Variants in COMMD10 observed in about 807,000 individuals in gnomAD.
COMMD10 encodes COMM domain-containing protein 10.
In COMMD10, 33 loss-of-function variants were observed where a neutral mutation model predicts 28.9. The ratio of observed to expected loss-of-function variants is 1.14; its 90% CI spans 0.87 to 1.53. The LOEUF is 1.53. Among genes scored for constraint, COMMD10 ranks in the 40% most tolerant of loss-of-function variants. The pLI, the probability that COMMD10 is intolerant of heterozygous loss-of-function variation, is 0.00. For synonymous variants in COMMD10, 110 were observed against 81.7 expected (o/e 1.35, Z -1.87); for missense variants, 310 against 233.4 (o/e 1.33, Z -2.14).
At chr5:116,110,262 A>T (rs2112735513) in intron 4 of COMMD10, among the ~76,000 whole-genome samples, 1 of 152,160 alleles carries the variant, frequency 6.6e-6, no homozygotes, top group East Asian at 1.9e-4. Flanking sequence ...ATGCTGTTGG[A>T]TTCTGTTTCC....
chr5:116,191,682 C>G (rs1043442098), intron 5 of COMMD10, among the ~76,000 whole-genome samples: 9 of 151,834 alleles, frequency 5.9e-5, no homozygotes, highest in African/African-American at 1.5e-4. Flanking sequence ...AGCCCTGCCC[C>G]CACTTGATGG....
intron 4 of COMMD10, among the ~76,000 whole-genome samples, chr5:116,132,969 C>T (rs1032472903): frequency 2.6e-5 from 4 of 152,118 alleles, no homozygotes; most frequent in Admixed American, 1.3e-4. Context: ...CTCATCACAT[C>T]CTCTCTCAAA....
chr5:116,135,299 T>G (rs1580477069), intron 5 of COMMD10, among the ~76,000 whole-genome samples: 1 of 152,226 alleles, frequency 6.6e-6, no homozygotes, highest in Non-Finnish European at 1.5e-5. Flanking sequence ...TATTACTTTT[T>G]TGTTAAAACT....
chr5:116,221,140 C>A (rs541236712), intron 5 of COMMD10, among the ~76,000 whole-genome samples: 1 of 148,412 alleles, frequency 6.7e-6, no homozygotes, highest in African/African-American at 2.5e-5. Context: ...GATACACTTT[C>A]AGGTCCTGCA....
At chr5:116,263,797 G>T (rs1437759976) in intron 5 of COMMD10, among the ~76,000 whole-genome samples, 1 of 151,652 alleles carries the variant, frequency 6.6e-6, no homozygotes, top group Non-Finnish European at 1.5e-5. Flanking sequence ...AACCAAACCA[G>T]TGTATTTCTT....
intron 5 of COMMD10, among the ~76,000 whole-genome samples, chr5:116,171,683 A>G (rs1313825293): frequency 6.6e-6 from 1 of 152,156 alleles, no homozygotes; most frequent in African/African-American, 2.4e-5. Context: ...TTGCAGCATC[A>G]TGGATGAAGC....
rs146527974 is a variant in COMMD10, at chr5:116,193,286, G to C, written c.510+59108G>C. The stretch of plus-strand genomic sequence containing the variant: ...AAAAACAAAGTACGCAGGCAACAAA[G>C]AGCCGGATGAATGCAGTGGTACCTC... On this transcript the variant is annotated intron_variant, in intron 5 of 6. Coordinates refer to ENST00000274458, the MANE Select transcript of COMMD10 (RefSeq NM_016144.4). 2.6e-5 allele frequency among the ~76,000 whole-genome samples: 4 copies of C among 152,238 alleles called. No homozygotes were observed. In the East Asian group the frequency reaches 7.7e-4, roughly 29 times the overall value.
chr5:116,181,886 A>G (rs186790270), intron 5 of COMMD10, among the ~76,000 whole-genome samples: 48 of 152,188 alleles, frequency 3.2e-4, no homozygotes, highest in Non-Finnish European at 1.3e-4. Flanking sequence ...CTAAACATCT[A>G]ATATGTGCCA....
At chr5:116,141,858 T>C (rs1001888811) in intron 5 of COMMD10, among the ~76,000 whole-genome samples, 3 of 151,928 alleles carry the variant, frequency 2.0e-5, no homozygotes, top group Admixed American at 1.3e-4. Flanking sequence ...ATTTAACTTT[T>C]TTGTGGCGTT....
chr5:116,250,401 T>G (rs1030939813), intron 5 of COMMD10, among the ~76,000 whole-genome samples: 1 of 151,452 alleles, frequency 6.6e-6, no homozygotes, highest in Non-Finnish European at 1.5e-5. Flanking sequence ...TTAGAAAGGG[T>G]AGCTGTTCTA....
chr5:116,137,877 A>T (rs1435721644), intron 5 of COMMD10, among the ~76,000 whole-genome samples: 1 of 151,744 alleles, frequency 6.6e-6, no homozygotes, highest in African/African-American at 2.4e-5. Flanking sequence ...TTTTTGGTTA[A>T]TTGTCTTAGT....
chr5:116,172,866 TGTTCTTGCAA>T (rs1293855818), intron 5 of COMMD10, among the ~76,000 whole-genome samples: 1 of 152,148 alleles, frequency 6.6e-6, no homozygotes, highest in East Asian at 1.9e-4. Flanking sequence ...GAAATTTCAG[TGTTCTTGCAA>T]AAATTTGACT....
intron 5 of COMMD10, among the ~76,000 whole-genome samples, chr5:116,222,444 C>G (rs1749284408): frequency 6.6e-6 from 1 of 152,028 alleles, no homozygotes; most frequent in African/African-American, 2.4e-5. Flanking sequence ...GTCTTATATT[C>G]AAATTATATT....
At chr5:116,220,076 T>C (rs1749206997) in intron 5 of COMMD10, among the ~76,000 whole-genome samples, 1 of 152,186 alleles carries the variant, frequency 6.6e-6, no homozygotes, top group African/African-American at 2.4e-5. Context: ...AAGTCAGTTA[T>C]CAAAGCTGAA....
At chr5:116,111,527 A>G (rs1483689493) in intron 4 of COMMD10, among the ~76,000 whole-genome samples, 2 of 151,234 alleles carry the variant, frequency 1.3e-5, no homozygotes, top group Non-Finnish European at 3.0e-5. Context: ...CATTGATCCA[A>G]AGGTCATTCA....
intron 5 of COMMD10, among the ~76,000 whole-genome samples, chr5:116,227,938 C>G (rs866726654): frequency 1.3e-5 from 2 of 152,078 alleles, no homozygotes; most frequent in Middle Eastern, 3.4e-3. Context: ...TTTAGCCAAA[C>G]TAGGTCATGT....
intron 5 of COMMD10, among the ~76,000 whole-genome samples, chr5:116,287,082 CTT>C (rs1443064936): frequency 2.6e-5 from 4 of 151,704 alleles, no homozygotes; most frequent in Non-Finnish European, 5.9e-5. Context: ...GAAATTGCAT[CTT>C]TAAGCAAAAC....
chr5:116,287,216 G>C (rs990004782), intron 5 of COMMD10, among the ~76,000 whole-genome samples: 1 of 151,656 alleles, frequency 6.6e-6, no homozygotes, highest in Non-Finnish European at 1.5e-5. Context: ...AAAAAACTGT[G>C]ACAACATTGA....
At chr5:116,253,509 G>A (rs1284571408) in intron 5 of COMMD10, among the ~76,000 whole-genome samples, 5 of 145,842 alleles carry the variant, frequency 3.4e-5, no homozygotes, top group Admixed American at 1.4e-4. Flanking sequence ...AGCATGAAGC[G>A]TTGTTGAATT....
Sources: gnomAD v4.1 joint callset for allele counts (sites outside exome capture counted in the v4.1 genomes callset) on GRCh38, gnomAD v4.1.1 for gene constraint, MANE v1.5 for transcripts, NCBI Gene and HGNC (gene_info 2026-07-23, HGNC 2026-07-21) for gene names.